The following CROCC variants were observed in gnomAD, a reference collection of about 807,000 sequenced individuals.
CROCC encodes the protein ciliary rootlet coiled-coil, rootletin, also known as rootletin.
CROCC carries 180 observed loss-of-function variants against 245.2 expected under a neutral mutation model. That is an observed-to-expected ratio of 0.73 (90% CI 0.65 to 0.83). CROCC has a LOEUF of 0.83. CROCC is among the 40% of genes least tolerant of loss of function. CROCC has a pLI of 0.00. For missense variants in CROCC, 2,688 were observed against 2,779.4 expected, an observed-to-expected ratio of 0.97 and a Z score of 0.74; for synonymous variants, 1,205 against 1,241.6, an observed-to-expected ratio of 0.97 and a Z score of 0.62.
chr1:16,934,682 A>C (rs569165675), intron 8 of CROCC, among the ~76,000 whole-genome samples: 7 of 152,280 alleles, frequency 4.6e-5, no homozygotes, highest in Non-Finnish European at 8.8e-5. Flanking sequence ...TCACATGTTC[A>C]CAAGGTTCAC....
intron 25 of CROCC, among the ~76,000 whole-genome samples, chr1:16,956,401 T>A (rs1284794438): frequency 6.6e-6 from 1 of 152,204 alleles, no homozygotes; most frequent in Non-Finnish European, 1.5e-5. Context: ...GGAGAGGAGC[T>A]GGTGTCCTTG....
At position 16,954,951 on chromosome 1, in the gene CROCC, G is replaced by A; in HGVS notation, c.3465+74G>A. 6.3e-6 allele frequency: 9 copies of A among 1,435,092 alleles called. No individual in the cohort carries two copies. The highest frequency in any genetic ancestry group is 8.3e-6 in the Non-Finnish European group (9 of 1,086,806). 88.9% of individuals were successfully genotyped at this position (1,435,092 alleles called of 1,614,324 possible). ...TGTGCCTGGGGGCCTAGTTCCCCAG[G>A]GCCCCAGAAGAGTGTAAGATTCCTC... On this transcript the variant is annotated intron_variant, in intron 23 of 36. Transcript: ENST00000375541. The surrounding 1 kb of genome is among the most constrained non-coding windows in gnomAD (Gnocchi z 4.4).
chr1:16,936,590 G>A (rs775588560), intron 8 of CROCC, 47 bp from the exon 9 acceptor site: 2 of 1,502,802 alleles, frequency 1.3e-6, no homozygotes, highest in East Asian at 2.3e-5. Flanking sequence ...TTAATTTGTA[G>A]TTGGGAGCAA....
At chr1:16,921,605 C>T (rs527268038), upstream of CROCC, among the ~76,000 whole-genome samples, 9 of 152,400 alleles carry the variant, frequency 5.9e-5, no homozygotes, top group African/African-American at 1.7e-4. Flanking sequence ...TGGCCTTTCC[C>T]GCCGCATGGC....
intron 24 of CROCC, 45 bp downstream of exon 24, chr1:16,955,595 C>T (rs1226916581): frequency 7.0e-7 from 1 of 1,425,936 alleles, no homozygotes; most frequent in Admixed American, 2.5e-5. Context: ...CATGGGATCC[C>T]ATCCCTGAAA....
rs1368945738 is a variant in CROCC at position 16,966,405 on chromosome 1, C to T, written c.4697-3C>T. On this transcript the variant is annotated splice_polypyrimidine_tract_variant and splice_region_variant and intron_variant, in intron 29 of 36. Coordinates refer to ENST00000375541, the MANE Select transcript of CROCC (RefSeq NM_014675.5). The surrounding 1 kb of genome is among the most constrained non-coding windows in gnomAD (Gnocchi z 4.8). ...TGCCTGACGGGGTGGGTGGTGGCTA[C>T]AGCCCGGCGCAGTGTGGATGGGCGG... 2 of 1,517,636 alleles carry T rather than the reference C, an allele frequency of 1.3e-6. No individual in the cohort carries two copies. Among genetic ancestry groups the T allele is most frequent in the East Asian group, 2.5e-5 (1 of 40,798 alleles). 94.0% of individuals were successfully genotyped at this position (1,517,636 alleles called of 1,614,324 possible).
In CROCC at chr1:16,936,662, C is replaced by G; in HGVS notation, c.982C>G (p.Leu328Val). The change falls in exon 9 of 37, where the codon CTG (leucine) becomes GTG (valine). Residue 328 changes from leucine (L) to valine (V), a missense_variant. Around this residue, in one of 9 missense-constraint regions of CROCC, gnomAD observed 972 missense variants for 895.3 expected, o/e 1.09. Coordinates refer to ENST00000375541, the MANE Select transcript of CROCC (RefSeq NM_014675.5). Reference sequence around the variant, plus strand: ...GGACCTGCTGCAGCTGGGAGGGGAGCTGGCCCGGACATCACGAGCTGTCCA... The same window carrying G: ...GGACCTGCTGCAGCTGGGAGGGGAGGTGGCCCGGACATCACGAGCTGTCCA... ...ERDLLQLGGE[L>V]ARTSRAVQEA... 6.3e-7 allele frequency: 1 copy of G among 1,594,318 alleles called. No individual in the cohort carries two copies. The highest frequency in any genetic ancestry group is 8.5e-7 in the Non-Finnish European group (1 of 1,169,950).
intron 25 of CROCC, 59 bp downstream of exon 25, chr1:16,956,215 TCCC>T: frequency 6.9e-7 from 1 of 1,441,324 alleles, no homozygotes; most frequent in East Asian, 2.5e-5. Flanking sequence ...GGCCAATAGC[TCCC>T]CCTTTCTGGA....
chr1:16,951,198 T>G, intron 20 of CROCC, 76 bp downstream of exon 20: 3 of 1,283,616 alleles, frequency 2.3e-6, no homozygotes, highest in Non-Finnish European at 3.1e-6. Context: ...CCTCGGTCTC[T>G]ACATCTGTGA....
At chr1:16,945,769 AGACCTCTG>A (rs570691588) in intron 15 of CROCC, among the ~76,000 whole-genome samples, 163 bp downstream of exon 15, 39 of 152,380 alleles carry the variant, frequency 2.6e-4, no homozygotes, top group African/African-American at 9.4e-4. Context: ...CACAGGCCAC[AGACCTCTG>A]GACCTCTGGT....
chr1:16,923,034 T>C (rs59677844), intron 2 of CROCC, among the ~76,000 whole-genome samples: 321 of 152,324 alleles, frequency 2.1e-3, no homozygotes, highest in African/African-American at 7.2e-3. Context: ...ATCTCCTGCG[T>C]GCTTGCCTGT....
chr1:16,961,460 CG>C (rs781385863), intron 27 of CROCC, among the ~76,000 whole-genome samples: 19 of 151,888 alleles, frequency 1.3e-4, no homozygotes, highest in Non-Finnish European at 2.8e-4. Context: ...TTTGTGGAGA[CG>C]GGGTCTCACT....
Position 16,969,816 on chromosome 1 carries a change from C to G in CROCC, c.5333C>G (p.Ser1778Cys). ...CTGGATGCCGCCCGGCAGGCATTAT[C>G]TGAGGCACGGAAGCAGAGCAGCTCC... ...ERLDAARQAL[S>C]EARKQSSSLG... Residue 1778 changes from serine to cysteine, a missense_variant, in exon 33 of 37, where the codon TCT becomes TGT. This residue lies in a region of CROCC where 1,218 missense variants were observed against 1,286.3 expected (regional missense o/e 0.95). Transcript: ENST00000375541. 2 of 1,613,298 alleles carry G rather than the reference C, an allele frequency of 1.2e-6. No individual in the cohort carries two copies.
At chr1:16,923,599 TA>T (rs1213561007) in intron 2 of CROCC, among the ~76,000 whole-genome samples, 2 of 152,252 alleles carry the variant, frequency 1.3e-5, no homozygotes, top group Non-Finnish European at 1.5e-5. Flanking sequence ...CCCTAGCCTT[TA>T]AAGTTCCATG....
intron 8 of CROCC, among the ~76,000 whole-genome samples, 157 bp downstream of exon 8, chr1:16,931,554 G>T (rs936356925): frequency 2.6e-5 from 4 of 152,274 alleles, no homozygotes; most frequent in African/African-American, 9.6e-5. Context: ...TACCACAGTC[G>T]TGGCAGTCAG....
Position 16,972,416 on chromosome 1 carries a change from C to G in CROCC, c.6024C>G (p.Phe2008Leu). 6.2e-7 allele frequency: 1 copy of G among 1,613,568 alleles called. No homozygotes were observed. The highest frequency in any genetic ancestry group is 1.7e-4 in the Middle Eastern group (1 of 6,060). ...AGCTTCGAAGGAGCTCAGCACCCTT[C>G]TCCCCACCCTCCGGCCCCCCAGAGA... ...QQELRRSSAP[F>L]SPPSGPPEK The change falls in exon 37 of 37, where the codon TTC becomes TTG. Residue 2008 changes from phenylalanine (F) to leucine (L), a missense_variant. Physicochemically the swap from Phe to Leu is conservative, Grantham distance 22. Transcript: ENST00000375541.
chr1:16,925,688 G>A (rs1348010443), intron 3 of CROCC, among the ~76,000 whole-genome samples: 3 of 152,284 alleles, frequency 2.0e-5, no homozygotes, highest in African/African-American at 7.2e-5. Context: ...GCATTGGCAG[G>A]AGGGTGTGTG....
intron 11 of CROCC, 63 bp downstream of exon 11, chr1:16,938,546 G>C: frequency 7.0e-7 from 1 of 1,436,562 alleles, no homozygotes; most frequent in South Asian, 1.3e-5. Flanking sequence ...CCCCCGCCAC[G>C]TCTTTCGGTG....
chr1:16,960,878 C>A lies in CROCC; in HGVS notation c.4153C>A (p.Arg1385Ser), dbSNP rs1041699684. The A allele has an allele frequency of 2.6e-6, 4 of 1,513,882 alleles. No homozygotes were observed. Among genetic ancestry groups the A allele is most frequent in the African/African-American group, 1.4e-5 (1 of 70,818 alleles). 93.8% of individuals were successfully genotyped at this position (1,513,882 alleles called of 1,614,324 possible). Residue 1385 changes from arginine to serine, a missense_variant, in exon 27 of 37, where the codon CGC becomes AGC. By Grantham distance (110) the Arg-to-Ser change is moderately radical. Coordinates refer to ENST00000375541, the MANE Select transcript of CROCC (RefSeq NM_014675.5). The stretch of plus-strand genomic sequence containing the variant: ...TGAAAAGCAGCAGCTGGACCACGCC[C>A]GCGGCCTGGAGCTGAAGCTGGAGGC... The part of the protein sequence containing the change: ...GTEKQQLDHA[R>S]GLELKLEAAR...
Sources: gnomAD v4.1 joint callset for allele counts (sites outside exome capture counted in the v4.1 genomes callset) on GRCh38, gnomAD v4.1.1 for gene constraint, gnomAD v4.1.1 regional missense constraint, Gnocchi (gnomAD v3.1) non-coding constraint, MANE v1.5 for transcripts, NCBI Gene and HGNC (gene_info 2026-07-23, HGNC 2026-07-21) for gene names.